The following BCAS3 variants were observed in gnomAD, a reference collection of about 807,000 sequenced individuals.
The protein encoded by BCAS3 is BCAS4/BCAS3 fusion.
BCAS3 carries 53 observed loss-of-function variants against 116.1 expected under a neutral mutation model. The ratio of observed to expected loss-of-function variants is 0.46; its 90% CI spans 0.37 to 0.57. The LOEUF (loss-of-function observed/expected upper bound fraction) is 0.57, where lower values mean the gene tolerates loss of function less well. BCAS3 is among the 20% of genes least tolerant of loss of function. BCAS3 has a pLI of 0.00. For synonymous variants in BCAS3, 391 were observed against 408.2 expected (o/e 0.96, Z 0.51); for missense variants, 917 against 1,165.4 (o/e 0.79, Z 3.10).
chr17:60,719,371 A>G (rs569495650), intron 5 of BCAS3, among the ~76,000 whole-genome samples: 1 of 152,348 alleles, frequency 6.6e-6, no homozygotes, highest in East Asian at 1.9e-4. Context: ...CAGAAGTATC[A>G]TTTGTGCCAA....
At chr17:60,678,843 C>G (rs1176952594) in intron 1 of BCAS3, among the ~76,000 whole-genome samples, 2 of 152,098 alleles carry the variant, frequency 1.3e-5, no homozygotes, top group African/African-American at 4.8e-5. Context: ...GTTCTCTCAC[C>G]CTTGTAATTT....
At chr17:60,958,023 T>G (rs145629569) in intron 14 of BCAS3, among the ~76,000 whole-genome samples, 5 of 152,338 alleles carry the variant, frequency 3.3e-5, no homozygotes, top group African/African-American at 9.6e-5. Flanking sequence ...CCCTGATAGA[T>G]GAAGAACAAA....
intron 19 of BCAS3, among the ~76,000 whole-genome samples, chr17:61,055,563 A>G (rs932015327): frequency 6.6e-6 from 1 of 152,122 alleles, no homozygotes; most frequent in African/African-American, 2.4e-5. Flanking sequence ...GTCATTGAAA[A>G]ATATTCAGTG....
At chr17:60,893,600 C>CTTTTTTTTTTT (rs930873750) in intron 10 of BCAS3, among the ~76,000 whole-genome samples, 4 of 82,054 alleles carry the variant, frequency 4.9e-5, no homozygotes, top group Non-Finnish European at 6.8e-5. Context: ...GACCTATGAT[C>CTTTTTTTTTTT]TTTTTTTTTT....
At chr17:60,807,827 A>G (rs1436771422) in intron 6 of BCAS3, among the ~76,000 whole-genome samples, 177 bp from the exon 7 acceptor site, 1 of 151,856 alleles carries the variant, frequency 6.6e-6, no homozygotes, top group Admixed American at 6.6e-5. Flanking sequence ...ATGATTACAT[A>G]TATATAATAT....
chr17:61,222,757 C>T lies in BCAS3; in HGVS notation c.2425+138193C>T, dbSNP rs1206400691. Among the ~76,000 whole-genome samples, 1 of 152,114 alleles carries T rather than the reference C, an allele frequency of 6.6e-6. No individual in the cohort carries two copies. The highest frequency in any genetic ancestry group is 2.4e-5 in the African/African-American group (1 of 41,406). On this transcript the variant is annotated intron_variant, in intron 22 of 23. Transcript: ENST00000407086. The surrounding 1 kb of genome is among the most constrained non-coding windows in gnomAD (Gnocchi z 6.1). ...CCATGGCCACTCTGCGACTCCAGGTCGATTCGTCTGCCTGTTGGCTTTTTT... is the reference window on the plus strand; with the variant it reads ...CCATGGCCACTCTGCGACTCCAGGTTGATTCGTCTGCCTGTTGGCTTTTTT...
At chr17:61,093,127 C>T (rs867374783) in intron 22 of BCAS3, among the ~76,000 whole-genome samples, 12 of 152,008 alleles carry the variant, frequency 7.9e-5, no homozygotes, top group Middle Eastern at 3.4e-3. Context: ...AGGCTGGTCT[C>T]GAGCTCCTGA....
At chr17:60,707,377 C>G (rs77873129) in intron 4 of BCAS3, among the ~76,000 whole-genome samples, 1 of 152,332 alleles carries the variant, frequency 6.6e-6, no homozygotes, top group African/African-American at 2.4e-5. Flanking sequence ...GTATGCCCAC[C>G]TTGGCCTCCC....
In BCAS3 at chr17:61,356,631, C is replaced by T. The variant is rs1196492275; in HGVS notation, c.2426-11696C>T. On this transcript the variant is annotated intron_variant, in intron 22 of 23. Transcript: ENST00000407086. The surrounding 1 kb of genome is among the most constrained non-coding windows in gnomAD (Gnocchi z 5.4). The stretch of plus-strand genomic sequence containing the variant: ...AAAAGGTGTCTCCTAGGAAGCCGGG[C>T]CTGTTTATCCAGAGGTTAGTTGTAG... Among the ~76,000 whole-genome samples the T allele has an allele frequency of 1.3e-5, 2 of 152,128 alleles. No homozygotes were observed. Among genetic ancestry groups the T allele is most frequent in the African/African-American group, 4.8e-5 (2 of 41,438 alleles).
intron 4 of BCAS3, among the ~76,000 whole-genome samples, chr17:60,700,524 C>T (rs2036250789): frequency 6.6e-6 from 1 of 152,102 alleles, no homozygotes; most frequent in African/African-American, 2.4e-5. Context: ...CTAGCAGATA[C>T]TAGTTGAAGT....
intron 22 of BCAS3, among the ~76,000 whole-genome samples, chr17:61,164,258 A>G (rs1400820902): frequency 6.6e-6 from 1 of 152,128 alleles, no homozygotes; most frequent in Non-Finnish European, 1.5e-5. Flanking sequence ...TGTTCAGGGT[A>G]GTTTTTTATT....
chr17:60,902,902 G>A (rs2057988604), intron 11 of BCAS3, among the ~76,000 whole-genome samples, 199 bp downstream of exon 11: 1 of 152,228 alleles, frequency 6.6e-6, no homozygotes, highest in Non-Finnish European at 1.5e-5. Context: ...GTTTTAAACA[G>A]TGACTTCTGG....
At chr17:61,297,062 A>G (rs2052984820) in intron 22 of BCAS3, among the ~76,000 whole-genome samples, 1 of 152,136 alleles carries the variant, frequency 6.6e-6, no homozygotes, top group Non-Finnish European at 1.5e-5. Flanking sequence ...GGAAACCGCC[A>G]GGTACCAATT....
chr17:60,935,648 A>G (rs2059879889), intron 13 of BCAS3, among the ~76,000 whole-genome samples: 1 of 152,194 alleles, frequency 6.6e-6, no homozygotes, highest in African/African-American at 2.4e-5. Flanking sequence ...CATATACCCA[A>G]AATGTGTTAA....
chr17:61,061,560 G>C (rs1344877082), intron 19 of BCAS3, among the ~76,000 whole-genome samples: 1 of 152,130 alleles, frequency 6.6e-6, no homozygotes, highest in African/African-American at 2.4e-5. Flanking sequence ...ATCGATTACT[G>C]CACACAATTT....
At chr17:60,932,076 A>C (rs922279071) in intron 13 of BCAS3, among the ~76,000 whole-genome samples, 5 of 152,168 alleles carry the variant, frequency 3.3e-5, no homozygotes, top group African/African-American at 1.2e-4. Flanking sequence ...CTGTCTAAAA[A>C]AAAATAAAAA....
At chr17:61,298,661 G>A (rs544225749) in intron 22 of BCAS3, among the ~76,000 whole-genome samples, 8 of 152,048 alleles carry the variant, frequency 5.3e-5, no homozygotes, top group Non-Finnish European at 8.8e-5. Context: ...CAGAATCCAA[G>A]CCCCCAAAGG....
intron 22 of BCAS3, among the ~76,000 whole-genome samples, chr17:61,253,505 T>C (rs1461886902): frequency 6.6e-6 from 1 of 152,084 alleles, no homozygotes; most frequent in African/African-American, 2.4e-5. Context: ...CATTATACTA[T>C]CATCTGTCTT....
intron 6 of BCAS3, among the ~76,000 whole-genome samples, chr17:60,783,441 G>A (rs2046000613): frequency 6.6e-6 from 1 of 152,120 alleles, no homozygotes; most frequent in Non-Finnish European, 1.5e-5. Context: ...CTGGGCTCAG[G>A]CAGTCTGCCT....
Sources: gnomAD v4.1 joint callset for allele counts (sites outside exome capture counted in the v4.1 genomes callset) on GRCh38, gnomAD v4.1.1 for gene constraint, Gnocchi (gnomAD v3.1) non-coding constraint, MANE v1.5 for transcripts, NCBI Gene and HGNC (gene_info 2026-07-23, HGNC 2026-07-21) for gene names.